Variants in IGF2BP3 observed in about 807,000 individuals in gnomAD.
IGF2BP3 encodes the protein insulin-like growth factor 2 mRNA-binding protein 3.
In IGF2BP3, 9 loss-of-function variants were observed where a neutral mutation model predicts 73.8. That is an observed-to-expected ratio of 0.12 (90% CI 0.07 to 0.21). The LOEUF (loss-of-function observed/expected upper bound fraction) is 0.21. Ranked by LOEUF, IGF2BP3 falls within the 10% of genes least tolerant of loss-of-function variation. IGF2BP3 has a pLI of 1.00. For synonymous variants in IGF2BP3, 258 were observed against 256.7 expected, an observed-to-expected ratio of 1.01 and a Z score of -0.05; for missense variants, 542 against 714.0, an observed-to-expected ratio of 0.76 and a Z score of 2.75.
chr7:23,462,563 C>T (rs2128551818), intron 2 of IGF2BP3, among the ~76,000 whole-genome samples: 1 of 152,184 alleles, frequency 6.6e-6, no homozygotes, highest in South Asian at 2.1e-4. Context: ...GGGGTTTCAC[C>T]GTGTTAGCCA....
At chr7:23,428,856 T>A (rs1787595145) in intron 2 of IGF2BP3, among the ~76,000 whole-genome samples, 1 of 152,130 alleles carries the variant, frequency 6.6e-6, no homozygotes, top group African/African-American at 2.4e-5. Context: ...TTCAGAGTCA[T>A]ACATATTTTG....
At chr7:23,379,749 C>T (rs1334203529) in intron 3 of IGF2BP3, among the ~76,000 whole-genome samples, 1 of 152,254 alleles carries the variant, frequency 6.6e-6, no homozygotes, top group Non-Finnish European at 1.5e-5. Flanking sequence ...GTGCCTGCTT[C>T]TGTCCTCAAC....
chr7:23,329,537 A>G (rs891564702), intron 10 of IGF2BP3, among the ~76,000 whole-genome samples: 3 of 152,228 alleles, frequency 2.0e-5, no homozygotes, highest in African/African-American at 7.2e-5. Flanking sequence ...ATTCCCATAC[A>G]AAAAGGCCCC....
At chr7:23,375,213 G>A (rs1157381213) in intron 3 of IGF2BP3, among the ~76,000 whole-genome samples, 1 of 152,114 alleles carries the variant, frequency 6.6e-6, no homozygotes, top group African/African-American at 2.4e-5. Context: ...GCTTAAGTAT[G>A]ACATTCCTTA....
chr7:23,465,193 C>A (rs1053359405), intron 2 of IGF2BP3, among the ~76,000 whole-genome samples: 2 of 152,192 alleles, frequency 1.3e-5, no homozygotes, highest in African/African-American at 4.8e-5. Flanking sequence ...TACAACATTT[C>A]CAAGTACCAA....
intron 10 of IGF2BP3, among the ~76,000 whole-genome samples, chr7:23,328,424 T>A (rs764272647): frequency 1.3e-4 from 20 of 152,202 alleles, no homozygotes; most frequent in Non-Finnish European, 2.6e-4. Flanking sequence ...GTCAGGCTGG[T>A]CTCCAACTCC....
At chr7:23,412,648 C>T (rs1218829360) in intron 3 of IGF2BP3, among the ~76,000 whole-genome samples, 1 of 152,074 alleles carries the variant, frequency 6.6e-6, no homozygotes, top group Non-Finnish European at 1.5e-5. Context: ...CTTCCTTGCC[C>T]TTTCCTCTAG....
intron 2 of IGF2BP3, among the ~76,000 whole-genome samples, chr7:23,451,845 G>A (rs1474605360): frequency 2.0e-5 from 3 of 151,430 alleles, no homozygotes; most frequent in Non-Finnish European, 2.9e-5. Flanking sequence ...CTACTCAGGA[G>A]GCTGAGGCAG....
At chr7:23,455,427 C>A (rs1329716202) in intron 2 of IGF2BP3, among the ~76,000 whole-genome samples, 1 of 152,174 alleles carries the variant, frequency 6.6e-6, no homozygotes, top group Non-Finnish European at 1.5e-5. Flanking sequence ...ATTTTCACAT[C>A]CCTCTCTGAA....
chr7:23,317,942 G>A, intron 11 of IGF2BP3: 1 of 547,606 alleles, frequency 1.8e-6, no homozygotes, highest in East Asian at 2.9e-5. Context: ...TCCACGTGCT[G>A]TCTCTCAGCT....
chr7:23,335,352 G>A (rs576374830), intron 10 of IGF2BP3, among the ~76,000 whole-genome samples: 222 of 151,534 alleles, frequency 1.5e-3, no homozygotes, highest in Non-Finnish European at 2.3e-3. Flanking sequence ...GCTCAATCAC[G>A]GATCACTGCA....
intron 10 of IGF2BP3, among the ~76,000 whole-genome samples, chr7:23,325,164 T>C (rs1181919458): frequency 6.6e-6 from 1 of 152,170 alleles, no homozygotes. Context: ...ATTGTATATC[T>C]AGAAAGCCCC....
chr7:23,410,964 G>A lies in IGF2BP3; in HGVS notation c.285+7812C>T, dbSNP rs572247137. On this transcript the variant is annotated intron_variant, in intron 3 of 14. Coordinates refer to ENST00000258729, the MANE Select transcript of IGF2BP3 (RefSeq NM_006547.3). ...ATGGGACTGCTGTGAAGATTAAAAC[G>A]TGTTAATTCAGTACCCGGCACATAA... is the stretch of plus-strand genomic sequence containing the variant. Among the ~76,000 whole-genome samples the A allele has an allele frequency of 4.1e-4, 62 of 152,172 alleles. 1 individual carries two copies. In the South Asian group the frequency reaches 9.4e-3, roughly 23 times the overall value.
intron 2 of IGF2BP3, among the ~76,000 whole-genome samples, chr7:23,434,285 T>A (rs1787757445): frequency 6.6e-6 from 1 of 152,146 alleles, no homozygotes; most frequent in African/African-American, 2.4e-5. Context: ...GATGTGGTTC[T>A]TAGACAAGGC....
intron 10 of IGF2BP3, among the ~76,000 whole-genome samples, chr7:23,338,162 A>G (rs1274085561): frequency 6.6e-6 from 1 of 152,158 alleles, no homozygotes; most frequent in Non-Finnish European, 1.5e-5. Context: ...ACGAGTTGGG[A>G]TGGCAGGTGG....
At chr7:23,388,406 A>T (rs1786157385) in intron 3 of IGF2BP3, among the ~76,000 whole-genome samples, 1 of 152,190 alleles carries the variant, frequency 6.6e-6, no homozygotes, top group African/African-American at 2.4e-5. Flanking sequence ...AGGAGGAAAA[A>T]ACCAAAACTT....
intron 2 of IGF2BP3, among the ~76,000 whole-genome samples, chr7:23,442,146 A>C (rs1342088308): frequency 6.6e-5 from 10 of 152,242 alleles, no homozygotes; most frequent in Admixed American, 3.3e-4. Flanking sequence ...TTTTTTAAAA[A>C]GTTAATTTTT....
chr7:23,349,397 A>T (rs1322459009), intron 6 of IGF2BP3, among the ~76,000 whole-genome samples: 2 of 152,224 alleles, frequency 1.3e-5, no homozygotes, highest in Non-Finnish European at 2.9e-5. Flanking sequence ...GCTACCTAAA[A>T]ATAACTAATA....
At chr7:23,349,139 T>C (rs1008294566) in intron 6 of IGF2BP3, among the ~76,000 whole-genome samples, 5 of 152,206 alleles carry the variant, frequency 3.3e-5, no homozygotes, top group Non-Finnish European at 7.4e-5. Context: ...CATTTTTTAA[T>C]AAGTACAAGA....
Sources: allele counts gnomAD v4.1 joint callset (sites outside exome capture counted in the v4.1 genomes callset), GRCh38; gene constraint gnomAD v4.1.1; transcripts MANE v1.5; gene names NCBI Gene and HGNC (gene_info 2026-07-23, HGNC 2026-07-21).